The following PCNT variants were observed in gnomAD, a reference collection of about 807,000 sequenced individuals.
PCNT encodes the protein kendrin.
PCNT carries 319 observed loss-of-function variants against 380.4 expected under a neutral mutation model. The observed-to-expected ratio is 0.84, with a 90% confidence interval of 0.77 to 0.92. The LOEUF (loss-of-function observed/expected upper bound fraction) is 0.92. PCNT is among the 40% of genes least tolerant of loss of function. PCNT has a pLI of 0.00. For missense variants in PCNT, 4,400 were observed against 4,255.3 expected (o/e 1.03, Z -0.95); for synonymous variants, 1,845 against 1,735.2 (o/e 1.06, Z -1.57).
chr21:46,361,598 A>C (rs1483292030), intron 13 of PCNT, among the ~76,000 whole-genome samples: 1 of 152,136 alleles, frequency 6.6e-6, no homozygotes, highest in African/African-American at 2.4e-5. Context: ...TTTGCTTTGG[A>C]AAACATGTGT....
chr21:46,340,166 G>A (rs1312786691), intron 3 of PCNT, among the ~76,000 whole-genome samples: 8 of 152,162 alleles, frequency 5.3e-5, no homozygotes, highest in Admixed American at 5.2e-4. Flanking sequence ...GAGAACTTGT[G>A]CAGAGGAACT....
intron 43 of PCNT, among the ~76,000 whole-genome samples, chr21:46,442,254 A>G (rs1414309054): frequency 6.6e-6 from 1 of 151,896 alleles, no homozygotes; most frequent in Non-Finnish European, 1.5e-5. Flanking sequence ...GTGGGGCCGC[A>G]GTGAGGCTTT....
Position 46,326,613 on chromosome 21 carries a change from T to G in PCNT, c.267+24T>G, listed in dbSNP as rs2083402606. Reference sequence around the variant, plus strand: ...AGGTAGATTTGCTCAATGTTGTATTTGAACATTTCGCTTATCTTCTAGTGA... The same window carrying G: ...AGGTAGATTTGCTCAATGTTGTATTGGAACATTTCGCTTATCTTCTAGTGA... On this transcript the variant is annotated intron_variant, in intron 2 of 46. Coordinates refer to ENST00000359568, the MANE Select transcript of PCNT (RefSeq NM_006031.6). The G allele has an allele frequency of 2.5e-6, 4 of 1,596,420 alleles. No homozygotes were observed. The African/African-American group carries it at 5.4e-5, about 21-fold the overall frequency.
rs528743758 is a variant in PCNT, at chr21:46,405,469, G to A, written c.5115+2986G>A. Among the ~76,000 whole-genome samples, 9 of 152,262 alleles carry A rather than the reference G, an allele frequency of 5.9e-5. No homozygotes were observed. The South Asian group carries it at 8.3e-4, about 14-fold the overall frequency. ...TCCCAGCACTTTGGGAGGCCCAGGC[G>A]GGCAGATCACTTGAGCTCAGGAGTT... On this transcript the variant is annotated intron_variant, in intron 27 of 46. Coordinates refer to ENST00000359568, the MANE Select transcript of PCNT (RefSeq NM_006031.6).
At chr21:46,353,893 C>T (rs1488621637) in intron 10 of PCNT, 94 bp from the exon 11 acceptor site, 2 of 1,088,224 alleles carry the variant, frequency 1.8e-6, no homozygotes, top group Non-Finnish European at 2.8e-6. Context: ...CGAGGAGGCG[C>T]CTCTGCTGTG....
chr21:46,432,651 G>A (rs576022327), intron 38 of PCNT, among the ~76,000 whole-genome samples: 1 of 152,258 alleles, frequency 6.6e-6, no homozygotes, highest in East Asian at 1.9e-4. Context: ...TTGAGATAGG[G>A]TCTGGCTCTG....
intron 2 of PCNT, among the ~76,000 whole-genome samples, chr21:46,331,010 G>C (rs2083541516): frequency 6.6e-6 from 1 of 152,060 alleles, no homozygotes; most frequent in African/African-American, 2.4e-5. Context: ...AACAGCATAA[G>C]AAGATAAGTG....
intron 44 of PCNT, 160 bp downstream of exon 44, chr21:46,442,733 G>GCGCC (rs1236963705): frequency 1.5e-6 from 1 of 679,568 alleles, no homozygotes; most frequent in Non-Finnish European, 2.7e-6. Context: ...GAGGGAAGGC[G>GCGCC]CGCCCGGCGT....
intron 15 of PCNT, among the ~76,000 whole-genome samples, chr21:46,369,617 A>C (rs1200349689): frequency 6.6e-6 from 1 of 152,276 alleles, no homozygotes. Context: ...AAGTTCTGAA[A>C]GAATATTCAG....
intron 3 of PCNT, among the ~76,000 whole-genome samples, chr21:46,342,701 C>T (rs1423326294): frequency 1.3e-5 from 2 of 152,036 alleles, no homozygotes; most frequent in African/African-American, 4.8e-5. Context: ...CCACCACGCC[C>T]AGCTAATTTT....
chr21:46,408,228 C>T (rs921228621), intron 27 of PCNT, among the ~76,000 whole-genome samples: 2 of 152,092 alleles, frequency 1.3e-5, no homozygotes, highest in Non-Finnish European at 2.9e-5. Context: ...TGCATGCTGT[C>T]GCCTGTGTCT....
intron 29 of PCNT, among the ~76,000 whole-genome samples, chr21:46,414,284 G>A (rs1286290832): frequency 2.0e-5 from 3 of 152,034 alleles, no homozygotes; most frequent in East Asian, 1.9e-4. Context: ...GAGCCACCAC[G>A]CCCAGCCTTA....
rs139978398 is a variant in PCNT, at chr21:46,422,003, C to G, written c.7058C>G (p.Pro2353Arg). The change falls in exon 32 of 47, where the codon CCG (proline) becomes CGG (arginine). Residue 2353 changes from proline (P) to arginine (R), a missense_variant. Physicochemically the swap from Pro to Arg is moderately radical, Grantham distance 103 (BLOSUM62 -2). Coordinates refer to ENST00000359568, the MANE Select transcript of PCNT (RefSeq NM_006031.6). ...DGSGFGARLS[P>R]GSGGPEAQTA... is the part of the protein sequence containing the mutation. ...TCGGGTTTTGGAGCAAGACTGAGCC[C>G]GGGGTCAGGAGGCCCTGAGGCTCAA... 102 of 1,614,084 alleles carry G rather than the reference C, an allele frequency of 6.3e-5. No individual in the cohort carries two copies. In the African/African-American group the frequency reaches 1.0e-3, roughly 16 times the overall value.
chr21:46,357,931 G>A lies in PCNT; in HGVS notation c.2154+740G>A, dbSNP rs551204592. 1.4e-4 allele frequency among the ~76,000 whole-genome samples: 21 copies of A among 152,384 alleles called. No homozygotes were observed. The East Asian group carries it at 3.9e-3, about 28-fold the overall frequency. ...TCTGACTCCCTCGCCCTTTGCGAGT[G>A]TGAGGACACTGCCATGCTGTCATAA... On this transcript the variant is annotated intron_variant, in intron 13 of 46. Coordinates refer to ENST00000359568, the MANE Select transcript of PCNT (RefSeq NM_006031.6).
rs759864731 is a variant in PCNT at position 46,441,015 on chromosome 21, A to G, written c.9554A>G (p.Glu3185Gly). ...TTGGGGGTATTTCCTTCCAAAGCAG[A>G]ACGGAAAATCACATCTCGTCCTTTC... ...AHLGVFPSKA[E>G]RKITSRPFTR... The change falls in exon 43 of 47, where the codon GAA becomes GGA. Residue 3185 changes from glutamate (E) to glycine (G), a missense_variant. Glu to Gly is a moderately conservative substitution (Grantham distance 98). Transcript: ENST00000359568. 5.6e-6 allele frequency: 9 copies of G among 1,614,096 alleles called. No individual in the cohort carries two copies. The highest frequency in any genetic ancestry group is 6.8e-6 in the Non-Finnish European group (8 of 1,180,026).
Position 46,381,685 on chromosome 21 carries a change from T to C in PCNT, c.3166-9T>C. ...TACTGGTATTTTTTATTGTTATTGA[T>C]GTGTACAGGGTGAATTTGGAAGTGA... On this transcript the variant is annotated splice_polypyrimidine_tract_variant and intron_variant, in intron 15 of 46. Transcript: ENST00000359568. 1 of 1,611,972 alleles carries C rather than the reference T, an allele frequency of 6.2e-7. No homozygotes were observed. The highest frequency in any genetic ancestry group is 8.5e-7 in the Non-Finnish European group (1 of 1,178,044).
In PCNT at chr21:46,411,738, G is replaced by C. The variant is rs2086791675; in HGVS notation, c.5665G>C (p.Ala1889Pro). Residue 1889 changes from alanine (A) to proline (P), a missense_variant, in exon 28 of 47, where the codon GCC (alanine) becomes CCC (proline). Coordinates refer to ENST00000359568, the MANE Select transcript of PCNT (RefSeq NM_006031.6). ...ALNQRKAAHS[A>P]ELEAVLLALA... ...GAACCAGCGGAAGGCGGCCCACTCT[G>C]CCGAGCTGGAGGCCGTCCTGTTGGC... 6.2e-7 allele frequency: 1 copy of C among 1,611,582 alleles called. No homozygotes were observed. Among genetic ancestry groups the C allele is most frequent in the Non-Finnish European group, 8.5e-7 (1 of 1,179,790 alleles).
chr21:46,368,252 TG>T (rs1408491307), intron 15 of PCNT, among the ~76,000 whole-genome samples: 2 of 152,100 alleles, frequency 1.3e-5, no homozygotes, highest in Admixed American at 6.5e-5. Flanking sequence ...GAGACCATCC[TG>T]GCTAACACGG....
At chr21:46,327,496 G>A (rs1461695526) in intron 2 of PCNT, among the ~76,000 whole-genome samples, 1 of 152,200 alleles carries the variant, frequency 6.6e-6, no homozygotes, top group Non-Finnish European at 1.5e-5. Context: ...AAACCCCTGG[G>A]CTCAAGTGAT....
Sources: allele counts gnomAD v4.1 joint callset (sites outside exome capture counted in the v4.1 genomes callset), GRCh38; gene constraint gnomAD v4.1.1; transcripts MANE v1.5; gene names NCBI Gene and HGNC (gene_info 2026-07-23, HGNC 2026-07-21).